KCNQ2: variants seen among roughly 807,000 people sequenced by gnomAD.
The protein encoded by KCNQ2 is potassium voltage-gated channel subfamily KQT member 2.
KCNQ2 carries 14 observed loss-of-function variants against 84.8 expected under a neutral mutation model. That is an observed-to-expected ratio of 0.17 (90% CI 0.11 to 0.26). KCNQ2 has a LOEUF of 0.26. Ranked by LOEUF, KCNQ2 falls within the 10% of genes least tolerant of loss-of-function variation. The probability of loss-of-function intolerance (pLI) is 1.00; values close to 1 mark genes in which losing one functional copy is unlikely to be tolerated. For missense variants in KCNQ2, 788 were observed against 1,254.0 expected (o/e 0.63, Z 5.61); for synonymous variants, 599 against 554.1 (o/e 1.08, Z -1.14).
In KCNQ2 at chr20:63,414,934, G is replaced by T. The variant is rs2145555496; in HGVS notation, c.1494C>A (p.Ile498=). ...DRSRARQAFR[I]KGAASRQNSE... ...AGTTCTGCCGTGACGCGGCACCCTT[G>T]ATGCGGAAAGCCTGGCGTGCCCGGC... is the stretch of plus-strand genomic sequence containing the variant. The change falls in exon 13 of 17, where the codon ATC becomes ATA. Residue 498 remains isoleucine (I), a synonymous_variant. Coordinates refer to ENST00000359125, the MANE Select transcript of KCNQ2 (RefSeq NM_172107.4). This position sits in a 1 kb window ranked among gnomAD's most constrained non-coding sequence, Gnocchi z 6.6. 1.2e-6 allele frequency: 2 copies of T among 1,612,760 alleles called. No individual in the cohort carries two copies. Among genetic ancestry groups the T allele is most frequent in the Non-Finnish European group, 1.7e-6 (2 of 1,179,954 alleles).
At chr20:63,413,687 G>T in intron 14 of KCNQ2, 106 bp from the exon 15 acceptor site, 2 of 1,314,498 alleles carry the variant, frequency 1.5e-6, no homozygotes, top group Non-Finnish European at 2.2e-6. Flanking sequence ...GAGATGGCTG[G>T]ACTTGCCCCT....
intron 15 of KCNQ2, chr20:63,409,830 C>G: frequency 7.3e-6 from 1 of 137,648 alleles, no homozygotes; most frequent in Non-Finnish European, 1.5e-5. Context: ...CCCTACCTGC[C>G]TCTGATGGGG....
rs745990385 is a variant in KCNQ2 at position 63,406,919 on chromosome 20, G to T, written c.2344C>A (p.Arg782=). Residue 782 remains arginine, a synonymous_variant, in exon 17 of 17, where the codon CGG becomes AGG. Coordinates refer to ENST00000359125, the MANE Select transcript of KCNQ2 (RefSeq NM_172107.4). The stretch of plus-strand genomic sequence containing the variant: ...ATGGAGATGGACGTGTCGCTGTCCC[G>T]CAGGTTCCCCTCGGGGGGCCTGCAG... The part of the protein sequence containing the change: ...PGCRPPEGNL[R]DSDTSISIPS... 4 of 1,608,014 alleles carry T rather than the reference G, an allele frequency of 2.5e-6. No individual in the cohort carries two copies. The highest frequency in any genetic ancestry group is 2.5e-6 in the Non-Finnish European group (3 of 1,178,442).
In KCNQ2 at chr20:63,401,077, A is replaced by C. The variant is rs895618462; in HGVS notation, c.*5567T>G. ...CCTGGCCGAGAGTCAGACGCTGAGG[A>C]CCTCTCAGGACGGGGCCCCTGGCCA... On this transcript the variant is annotated 3_prime_UTR_variant, in exon 17 of 17. Transcript: ENST00000359125. 6 of 391,346 alleles carry C rather than the reference A, an allele frequency of 1.5e-5. No homozygotes were observed. Among genetic ancestry groups the C allele is most frequent in the Non-Finnish European group, 2.7e-5 (6 of 222,150 alleles). 24.2% of individuals were successfully genotyped at this position (391,346 alleles called of 1,614,324 possible). A position where few individuals can be genotyped will look rare whatever the true frequency, so the allele number is the denominator to read the frequency against.
In KCNQ2 at chr20:63,415,348, T is replaced by C. The variant is rs185309057; in HGVS notation, c.1302-222A>G. Among the ~76,000 whole-genome samples, 3,796 of 12,894 alleles carry C rather than the reference T, an allele frequency of 0.29. 82 individuals carry two copies. The highest frequency in any genetic ancestry group is 0.4 in the African/African-American group (1,619 of 4,080). The allele number at this position is 12,894 out of a possible 152,430, so 8.5% of individuals were successfully genotyped here. A position where few individuals can be genotyped will look rare whatever the true frequency, so the allele number is the denominator to read the frequency against. ...GAGGCCACGGGGACCGAGCACCCGGTGGGAGGGAGGGAGGGGAGGCCACGG... is the reference window on the plus strand; with the variant it reads ...GAGGCCACGGGGACCGAGCACCCGGCGGGAGGGAGGGAGGGGAGGCCACGG... On this transcript the variant is annotated intron_variant, in intron 12 of 16. Coordinates refer to ENST00000359125, the MANE Select transcript of KCNQ2 (RefSeq NM_172107.4).
In KCNQ2 at chr20:63,403,176, G is replaced by A. The variant is rs754756129; in HGVS notation, c.*3468C>T. 1.3e-5 allele frequency: 2 copies of A among 152,362 alleles called. No individual in the cohort carries two copies. The highest frequency in any genetic ancestry group is 2.4e-5 in the African/African-American group (1 of 41,454). The allele number at this position is 152,362 out of a possible 1,614,324, so 9.4% of individuals were successfully genotyped here. The stretch of plus-strand genomic sequence containing the variant: ...AGGCTGTGGGAGGGAAGGGCAGCAC[G>A]AGACCCTGATTGGGCTCTGCCTGGC... On this transcript the variant is annotated 3_prime_UTR_variant, in exon 17 of 17. Transcript: ENST00000359125.
At chr20:63,424,856 G>A (rs898729305) in intron 10 of KCNQ2, among the ~76,000 whole-genome samples, 1 of 152,210 alleles carries the variant, frequency 6.6e-6, no homozygotes, top group African/African-American at 2.4e-5. Context: ...CTCATCCATG[G>A]GGAGGCCCCA....
chr20:63,443,365 C>T (rs1156894940), intron 4 of KCNQ2, among the ~76,000 whole-genome samples: 7 of 110,166 alleles, frequency 6.4e-5, no homozygotes, highest in Non-Finnish European at 1.0e-4. Flanking sequence ...CCACCATCAC[C>T]ATCATCACCA....
chr20:63,426,871 C>T lies in KCNQ2; in HGVS notation c.1217+1496G>A, dbSNP rs140362716. On this transcript the variant is annotated intron_variant, in intron 10 of 16. Coordinates refer to ENST00000359125, the MANE Select transcript of KCNQ2 (RefSeq NM_172107.4). Reference sequence around the variant, plus strand: ...TCCAGCCTGCACCTCAAAATACTCACGTCCAAAATCTCATCCAAATCCCAT... The same window carrying T: ...TCCAGCCTGCACCTCAAAATACTCATGTCCAAAATCTCATCCAAATCCCAT... Among the ~76,000 whole-genome samples, 431 of 152,308 alleles carry T rather than the reference C, an allele frequency of 2.8e-3. 4 individuals are homozygous for T. The highest frequency in any genetic ancestry group is 9.9e-3 in the African/African-American group (411 of 41,572).
chr20:63,415,235 G>C, intron 12 of KCNQ2, 109 bp from the exon 13 acceptor site: 4 of 1,015,444 alleles, frequency 3.9e-6, no homozygotes, highest in Non-Finnish European at 5.9e-6. Context: ...GCGCCGGAGG[G>C]AGACACAGGT....
chr20:63,444,011 G>A (rs1056166300), intron 4 of KCNQ2, among the ~76,000 whole-genome samples: 2 of 152,220 alleles, frequency 1.3e-5, no homozygotes, highest in Admixed American at 6.5e-5. Flanking sequence ...CCCCCACAGC[G>A]TCCAGGGAGG....
intron 1 of KCNQ2, among the ~76,000 whole-genome samples, chr20:63,458,720 G>A (rs990022050): frequency 3.3e-5 from 5 of 152,198 alleles, no homozygotes; most frequent in Non-Finnish European, 7.3e-5. Context: ...GCACAGAGGC[G>A]TCTCCCCACA....
At chr20:63,461,352 G>A (rs931901076) in intron 1 of KCNQ2, among the ~76,000 whole-genome samples, 2 of 152,166 alleles carry the variant, frequency 1.3e-5, no homozygotes, top group African/African-American at 4.8e-5. Context: ...AATTGTAAAG[G>A]AGAGAAGCCG....
chr20:63,437,833 G>A (rs998004716), intron 7 of KCNQ2, among the ~76,000 whole-genome samples: 1 of 152,002 alleles, frequency 6.6e-6, no homozygotes, highest in Non-Finnish European at 1.5e-5. Context: ...TTTTTGAGAC[G>A]GAGTCTCGCT....
intron 4 of KCNQ2, among the ~76,000 whole-genome samples, chr20:63,443,475 TCATCAC>T (rs2081319510): frequency 6.1e-5 from 1 of 16,274 alleles, no homozygotes; most frequent in Non-Finnish European, 1.3e-4. Flanking sequence ...ATCACCACCA[TCATCAC>T]CACCACCATC....
intron 1 of KCNQ2, among the ~76,000 whole-genome samples, chr20:63,454,224 C>T (rs1003871257): frequency 6.6e-6 from 1 of 152,238 alleles, no homozygotes; most frequent in Non-Finnish European, 1.5e-5. Context: ...CCATCTGCCC[C>T]CGCCTCGCCG....
At chr20:63,444,901 C>A in intron 3 of KCNQ2, 67 bp from the exon 4 acceptor site, 1 of 1,477,794 alleles carries the variant, frequency 6.8e-7, no homozygotes, top group Admixed American at 2.2e-5. Context: ...AGAAAACTCC[C>A]CACCCCGCGT....
At chr20:63,433,948 G>T in intron 7 of KCNQ2, 45 bp from the exon 8 acceptor site, 16 of 1,577,802 alleles carry the variant, frequency 1.0e-5, no homozygotes, top group Non-Finnish European at 1.4e-5. Flanking sequence ...CAGGCGGCGA[G>T]GGGCGCGCCC....
chr20:63,469,228 G>A (rs1047358508), intron 1 of KCNQ2, among the ~76,000 whole-genome samples: 9 of 152,176 alleles, frequency 5.9e-5, no homozygotes, highest in Admixed American at 2.0e-4. Flanking sequence ...CTGCTAGTTC[G>A]GGCCATTTCT....
Sources: allele counts gnomAD v4.1 joint callset (sites outside exome capture counted in the v4.1 genomes callset), GRCh38; gene constraint gnomAD v4.1.1; non-coding constraint Gnocchi (gnomAD v3.1); transcripts MANE v1.5; gene names NCBI Gene and HGNC (gene_info 2026-07-23, HGNC 2026-07-21).